CPNE4: variants seen among roughly 807,000 people sequenced by gnomAD.
CPNE4 encodes the protein copine-4.
A neutral mutation model predicts 67.9 loss-of-function variants in CPNE4; 25 were observed. The observed-to-expected ratio is 0.37, with a 90% CI of 0.27 to 0.51. The LOEUF is 0.51. Ranked by LOEUF, CPNE4 falls within the 20% of genes least tolerant of loss-of-function variation. CPNE4 has a pLI of 0.93. For missense variants in CPNE4, 464 were observed against 690.8 expected, an observed-to-expected ratio of 0.67 and a Z score of 3.68; for synonymous variants, 242 against 244.9, an observed-to-expected ratio of 0.99 and a Z score of 0.11.
At chr3:132,022,579 AAT>A (rs1312347941) in intron 1 of CPNE4, among the ~76,000 whole-genome samples, 120 of 2,676 alleles carry the variant, frequency 0.045, no homozygotes, top group South Asian at 0.14. Context: ...AAAAAAAAAT[AAT>A]AATAATAATA....
chr3:131,620,459 T>C lies in CPNE4; in HGVS notation c.682-32877A>G, dbSNP rs559551993. ...CCTGAGTTACTCACCATGTTCAGCA[T>C]AGATAAATGCTTTTTGTCCTTCAGT... is the stretch of plus-strand genomic sequence containing the variant. On this transcript the variant is annotated intron_variant, in intron 7 of 15. Transcript: ENST00000429747. 3.1e-5 allele frequency: 31 copies of C among 985,352 alleles called. No individual in the cohort carries two copies. In the African/African-American group the frequency reaches 4.7e-4, roughly 15 times the overall value. The allele number at this position is 985,352 out of a possible 1,614,324, so 61.0% of individuals were successfully genotyped here. A position where few individuals can be genotyped will look rare whatever the true frequency, so the allele number is the denominator to read the frequency against.
chr3:131,593,517 G>A (rs1938662503), intron 7 of CPNE4, among the ~76,000 whole-genome samples: 1 of 152,076 alleles, frequency 6.6e-6, no homozygotes, highest in South Asian at 2.1e-4. Context: ...TTTGTATCCT[G>A]CAACTTTATT....
Position 131,599,859 on chromosome 3 carries a change from C to T in CPNE4, c.682-12277G>A, listed in dbSNP as rs72999263. ...TGTCCCCAGGCTCTGTCTCCACAGACTCATGTCTCAGTTCTAGGGAGGTGG... is the reference window on the plus strand; with the variant it reads ...TGTCCCCAGGCTCTGTCTCCACAGATTCATGTCTCAGTTCTAGGGAGGTGG... On this transcript the variant is annotated intron_variant, in intron 7 of 15. Transcript: ENST00000429747. Among the ~76,000 whole-genome samples the T allele has an allele frequency of 6.3e-3, 967 of 152,322 alleles. 7 individuals carry two copies. The highest frequency in any genetic ancestry group is 0.022 in the African/African-American group (895 of 41,562).
chr3:131,987,794 G>A (rs905310776), intron 1 of CPNE4, among the ~76,000 whole-genome samples: 5 of 152,162 alleles, frequency 3.3e-5, no homozygotes, highest in African/African-American at 4.8e-5. Context: ...TTTCTAACAC[G>A]TTCCCAAGCA....
intron 2 of CPNE4, among the ~76,000 whole-genome samples, chr3:131,840,158 A>G (rs1230480157): frequency 6.6e-6 from 1 of 152,206 alleles, no homozygotes; most frequent in Non-Finnish European, 1.5e-5. Context: ...TAGCATAGTC[A>G]GCCTTATATC....
At chr3:131,596,982 C>T (rs114571934) in intron 7 of CPNE4, among the ~76,000 whole-genome samples, 5 of 152,258 alleles carry the variant, frequency 3.3e-5, no homozygotes, top group Admixed American at 6.5e-5. Flanking sequence ...CATTCTGAAA[C>T]GAGTTTTCAG....
At chr3:131,571,951 A>G (rs1288062892) in intron 10 of CPNE4, among the ~76,000 whole-genome samples, 1 of 152,054 alleles carries the variant, frequency 6.6e-6, no homozygotes, top group Non-Finnish European at 1.5e-5. Context: ...ATAAATACTT[A>G]AGTTTATGGG....
Position 131,992,277 on chromosome 3 carries a change from C to T in CPNE4, c.-2+42290G>A, listed in dbSNP as rs1349639179. 2.2e-5 allele frequency among the ~76,000 whole-genome samples: 3 copies of T among 136,898 alleles called. 1 individual carries two copies. In the Admixed American group the frequency reaches 2.4e-4, roughly 11 times the overall value. The allele number at this position is 136,898 out of a possible 152,430, so 89.8% of individuals were successfully genotyped here. On this transcript the variant is annotated intron_variant, in intron 1 of 15. Coordinates refer to ENST00000429747, the MANE Select transcript of CPNE4 (RefSeq NM_130808.3). ...GGAAGGGAGCTGTACCCTGCAAAGCCACAGGGACAGAGCTTCCCAAGGCTG... is the reference window on the plus strand; with the variant it reads ...GGAAGGGAGCTGTACCCTGCAAAGCTACAGGGACAGAGCTTCCCAAGGCTG...
At position 131,680,602 on chromosome 3, in the gene CPNE4, T is replaced by C. The variant is rs896532706; in HGVS notation, c.591+5273A>G. On this transcript the variant is annotated intron_variant, in intron 6 of 15. Transcript: ENST00000429747. ...AAGAAAATAAATAGAAAAATAAAAG[T>C]ATTTCATTATACTTTCTTTCTAAGG... 2.0e-4 allele frequency among the ~76,000 whole-genome samples: 31 copies of C among 152,286 alleles called. 1 individual carries two copies. The highest frequency in any genetic ancestry group is 1.9e-3 in the South Asian group (9 of 4,828).
At position 131,723,470 on chromosome 3, in the gene CPNE4, A is replaced by C; in HGVS notation, c.336T>G (p.Gly112=). ...HNGLKEADFL[G]GMECTLGQIV... is the part of the protein sequence containing the mutation. ...CCTGGCCAAGTGTGCACTCCATGCC[A>C]CCAAGGAAGTCGGCCTCCTTCAGCC... The change falls in exon 3 of 16, where the codon GGT becomes GGG. Residue 112 remains glycine, a synonymous_variant. Transcript: ENST00000429747. The C allele has an allele frequency of 6.2e-7, 1 of 1,613,112 alleles. No individual in the cohort carries two copies. The highest frequency in any genetic ancestry group is 8.5e-7 in the Non-Finnish European group (1 of 1,180,012).
intron 2 of CPNE4, among the ~76,000 whole-genome samples, chr3:131,862,731 A>G (rs945978387): frequency 2.0e-5 from 3 of 150,592 alleles, no homozygotes; most frequent in Non-Finnish European, 4.4e-5. Flanking sequence ...ATTATACTTG[A>G]AGTTTTAAGG....
At chr3:131,642,812 C>G (rs2079571997) in intron 7 of CPNE4, among the ~76,000 whole-genome samples, 1 of 152,132 alleles carries the variant, frequency 6.6e-6, no homozygotes, top group African/African-American at 2.4e-5. Flanking sequence ...GAGGCCTCCC[C>G]AGCCCTGCAG....
At chr3:131,687,932 AC>A (rs2080935430) in intron 5 of CPNE4, among the ~76,000 whole-genome samples, 1 of 152,188 alleles carries the variant, frequency 6.6e-6, no homozygotes, top group Admixed American at 6.5e-5. Context: ...AGAGGGGGAT[AC>A]CCCAAGTAAT....
At position 131,978,436 on chromosome 3, in the gene CPNE4, T is replaced by TA. The variant is rs1560723849; in HGVS notation, c.-2+56130_-2+56131insT. 6.6e-4 allele frequency among the ~76,000 whole-genome samples: 2 copies of TA among 3,044 alleles called. 1 individual carries two copies. The highest frequency in any genetic ancestry group is 1.0e-3 in the Non-Finnish European group (2 of 1,978). The allele number at this position is 3,044 out of a possible 152,430, so 2.0% of individuals were successfully genotyped here. A position where few individuals can be genotyped will look rare whatever the true frequency, so the allele number is the denominator to read the frequency against. On this transcript the variant is annotated intron_variant, in intron 1 of 15. Coordinates refer to ENST00000429747, the MANE Select transcript of CPNE4 (RefSeq NM_130808.3). ...TATATGTATATATATATTTATATAT[T>TA]TATATATATTTATATATATATTTAT...
At chr3:131,760,821 A>G (rs1475240089) in intron 2 of CPNE4, among the ~76,000 whole-genome samples, 4 of 152,200 alleles carry the variant, frequency 2.6e-5, no homozygotes, top group Non-Finnish European at 5.9e-5. Flanking sequence ...CCTTCTTCAC[A>G]AAATGAGATG....
rs1014495618 is a variant in CPNE4, at chr3:131,670,100, C to A, written c.592-336G>T. Among the ~76,000 whole-genome samples, 14 of 152,240 alleles carry A rather than the reference C, an allele frequency of 9.2e-5. 1 individual carries two copies. Among genetic ancestry groups the A allele is most frequent in the Admixed American group, 6.5e-4 (10 of 15,280 alleles). On this transcript the variant is annotated intron_variant, in intron 6 of 15. Transcript: ENST00000429747. ...TGCCTTTGCCCATTGATAGAGAATT[C>A]TCAGTTCTGTAGGACTGTCAGTCTT...
intron 3 of CPNE4, among the ~76,000 whole-genome samples, chr3:131,713,894 A>C (rs9823614): frequency 0.76 from 113,797 of 150,206 alleles, 43,205 homozygotes; most frequent in Non-Finnish European, 0.82. Context: ...AAAAGACAGC[A>C]GTAAAAAAAA....
At chr3:131,624,582 T>C (rs2079015621) in intron 7 of CPNE4, among the ~76,000 whole-genome samples, 1 of 152,286 alleles carries the variant, frequency 6.6e-6, no homozygotes, top group Middle Eastern at 3.4e-3. Flanking sequence ...CTATTAACTT[T>C]CCATATTCTT....
Position 131,542,800 on chromosome 3 carries a change from T to C in CPNE4, c.1303-7A>G. 1 of 1,551,412 alleles carries C rather than the reference T, an allele frequency of 6.4e-7. No individual in the cohort carries two copies. The highest frequency in any genetic ancestry group is 2.3e-5 in the East Asian group (1 of 43,244). On this transcript the variant is annotated splice_polypyrimidine_tract_variant and splice_region_variant and intron_variant, in intron 14 of 15. Transcript: ENST00000429747. Reference sequence around the variant, plus strand: ...TCAGCAGGATGAAGTATTGCTGCAGTCAGATGCCCCATGATGATGGGGGGG... The same window carrying C: ...TCAGCAGGATGAAGTATTGCTGCAGCCAGATGCCCCATGATGATGGGGGGG...
Sources: allele counts gnomAD v4.1 joint callset (sites outside exome capture counted in the v4.1 genomes callset), GRCh38; gene constraint gnomAD v4.1.1; transcripts MANE v1.5; gene names NCBI Gene and HGNC (gene_info 2026-07-23, HGNC 2026-07-21).